The following NRG1 variants were observed in gnomAD, a reference collection of about 807,000 sequenced individuals.
NRG1 encodes the protein neuregulin 1.
NRG1 carries 18 observed loss-of-function variants against 63.8 expected under a neutral mutation model. The observed-to-expected ratio is 0.28, with a 90% confidence interval of 0.19 to 0.42. The LOEUF (loss-of-function observed/expected upper bound fraction) is 0.42. NRG1 is among the 10% of genes least tolerant of loss of function. The pLI, the probability that NRG1 is intolerant of heterozygous loss-of-function variation, is 1.00. For missense variants in NRG1, 762 were observed against 814.7 expected, an observed-to-expected ratio of 0.94 and a Z score of 0.79; for synonymous variants, 302 against 301.3, an observed-to-expected ratio of 1.00 and a Z score of -0.02.
Position 31,942,438 on chromosome 8 carries a change from A to G in NRG1, c.37+303007A>G, listed in dbSNP as rs144399753. Among the ~76,000 whole-genome samples the G allele has an allele frequency of 6.1e-3, 923 of 152,304 alleles. 12 individuals are homozygous for G. The highest frequency in any genetic ancestry group is 0.021 in the African/African-American group (878 of 41,556). On this transcript the variant is annotated intron_variant, in intron 1 of 10. Coordinates refer to the NRG1 transcript ENST00000519301. ...AGATGTGAAACCATAAAGATTTTAGAAGATAACATCAGAAAAACCCTTCTA... is the reference window on the plus strand; with the variant it reads ...AGATGTGAAACCATAAAGATTTTAGGAGATAACATCAGAAAAACCCTTCTA...
chr8:32,508,944 A>T (rs1828855018), intron 1 of NRG1, among the ~76,000 whole-genome samples: 1 of 151,702 alleles, frequency 6.6e-6, no homozygotes, highest in Non-Finnish European at 1.5e-5. Context: ...CATGTTGGCA[A>T]CGCTAGTCTC....
intron 1 of NRG1, among the ~76,000 whole-genome samples, chr8:32,453,606 A>C (rs895701173): frequency 5.3e-5 from 8 of 152,186 alleles, no homozygotes; most frequent in Non-Finnish European, 1.0e-4. Flanking sequence ...GTCTTTCAGG[A>C]GGTGGGTAGG....
intron 1 of NRG1, among the ~76,000 whole-genome samples, chr8:31,681,773 A>G (rs1027984212): frequency 1.3e-5 from 2 of 151,364 alleles, no homozygotes; most frequent in Non-Finnish European, 2.9e-5. Flanking sequence ...TATTCACAGA[A>G]TACTTGCTTG....
chr8:32,159,215 C>T (rs1475184386), intron 1 of NRG1, among the ~76,000 whole-genome samples: 2 of 152,192 alleles, frequency 1.3e-5, no homozygotes, highest in Non-Finnish European at 2.9e-5. Context: ...TTCTAAAGTA[C>T]ATTGATTGTT....
chr8:32,273,113 G>A (rs1023656616), intron 1 of NRG1, among the ~76,000 whole-genome samples: 7 of 152,180 alleles, frequency 4.6e-5, no homozygotes, highest in African/African-American at 1.4e-4. Flanking sequence ...ATTTGATTAA[G>A]CGTGTTATCA....
At chr8:32,711,345 A>G (rs1308572008) in intron 5 of NRG1, among the ~76,000 whole-genome samples, 2 of 151,786 alleles carry the variant, frequency 1.3e-5, no homozygotes, top group Non-Finnish European at 2.9e-5. Context: ...ATGTCAGTTT[A>G]TCTTGTCTTA....
chr8:32,114,017 C>G (rs1334449655), intron 1 of NRG1, among the ~76,000 whole-genome samples: 1 of 152,148 alleles, frequency 6.6e-6, no homozygotes, highest in Non-Finnish European at 1.5e-5. Context: ...AAAAGGCAGT[C>G]AGACAGCCCA....
intron 1 of NRG1, among the ~76,000 whole-genome samples, chr8:31,953,743 T>A (rs28700943): frequency 3.3e-4 from 50 of 152,330 alleles, no homozygotes; most frequent in African/African-American, 1.1e-3. Flanking sequence ...CATTTCAACA[T>A]ATATTGAGCA....
chr8:32,169,771 A>G (rs993615934), intron 1 of NRG1, among the ~76,000 whole-genome samples: 1 of 152,188 alleles, frequency 6.6e-6, no homozygotes, highest in African/African-American at 2.4e-5. Context: ...ACAAAAGCAA[A>G]CTAGAATGAT....
At chr8:32,754,574 G>GA in intron 8 of NRG1, 100 bp downstream of exon 8, 2 of 1,075,964 alleles carry the variant, frequency 1.9e-6, no homozygotes. Flanking sequence ...TAGTCTTGGG[G>GA]ATAAAAAAAA....
At chr8:32,616,934 A>G in intron 5 of NRG1, 49 bp downstream of exon 5, 2 of 1,342,526 alleles carry the variant, frequency 1.5e-6, no homozygotes, top group South Asian at 2.3e-5. Flanking sequence ...CCAAGGCACT[A>G]TCTGCTTTGG....
chr8:32,661,022 A>C (rs141165991), intron 5 of NRG1, among the ~76,000 whole-genome samples: 1 of 152,248 alleles, frequency 6.6e-6, no homozygotes, highest in African/African-American at 2.4e-5. Context: ...TGTGTGATTT[A>C]TGTGTTACCA....
In NRG1 at chr8:32,165,135, C is replaced by T. The variant is rs1050916184; in HGVS notation, c.38-430693C>T. Among the ~76,000 whole-genome samples the T allele has an allele frequency of 1.2e-4, 18 of 151,800 alleles. No individual in the cohort carries two copies. In the East Asian group the frequency reaches 3.1e-3, roughly 26 times the overall value. The stretch of plus-strand genomic sequence containing the variant: ...TGGGTATCACACATGTAAGATATTG[C>T]CCTTATTTTTTTTTTTTTTCAGAGA... On this transcript the variant is annotated intron_variant, in intron 1 of 10. Transcript: ENST00000519301.
At chr8:32,110,653 G>A (rs555197200) in intron 1 of NRG1, among the ~76,000 whole-genome samples, 21 of 152,222 alleles carry the variant, frequency 1.4e-4, no homozygotes, top group African/African-American at 4.1e-4. Context: ...GGTCTCCTTG[G>A]TTTATGTCAC....
At chr8:31,835,658 A>T (rs1825623514) in intron 1 of NRG1, among the ~76,000 whole-genome samples, 1 of 152,298 alleles carries the variant, frequency 6.6e-6, no homozygotes, top group African/African-American at 2.4e-5. Context: ...CTTTAATAGC[A>T]TATTTTTCCC....
chr8:32,189,549 G>A (rs1842284079), intron 1 of NRG1, among the ~76,000 whole-genome samples: 1 of 152,102 alleles, frequency 6.6e-6, no homozygotes, highest in South Asian at 2.1e-4. Context: ...CTGTAGAATG[G>A]ACATAATAAT....
chr8:31,995,804 T>C (rs911045789), intron 1 of NRG1, among the ~76,000 whole-genome samples: 3 of 151,994 alleles, frequency 2.0e-5, no homozygotes, highest in Non-Finnish European at 4.4e-5. Context: ...ATTATTGCAA[T>C]TGCGTAGTAG....
chr8:31,920,863 C>CATAG lies in NRG1; in HGVS notation c.37+281449_37+281452dup, dbSNP rs796780293. Reference sequence around the variant, plus strand: ...TAAACTTTTTTAAGATGGATAGATACATAGATAGATAGATAGATAGGTAGA... The same window carrying CATAG: ...TAAACTTTTTTAAGATGGATAGATACATAGATAGATAGATAGATAGATAGGTAGA... On this transcript the variant is annotated intron_variant, in intron 1 of 10. Transcript: ENST00000519301. 4.1e-3 allele frequency among the ~76,000 whole-genome samples: 582 copies of CATAG among 141,070 alleles called. 2 individuals carry two copies. Among genetic ancestry groups the CATAG allele is most frequent in the Non-Finnish European group, 6.6e-3 (428 of 64,806 alleles). The allele number at this position is 141,070 out of a possible 152,430, so 92.5% of individuals were successfully genotyped here. A position where few individuals can be genotyped will look rare whatever the true frequency, so the allele number is the denominator to read the frequency against.
chr8:31,932,746 G>T (rs757983834), intron 1 of NRG1, among the ~76,000 whole-genome samples: 3 of 152,302 alleles, frequency 2.0e-5, no homozygotes, highest in Non-Finnish European at 4.4e-5. Context: ...GATCATGCTA[G>T]GCTCTCATTG....
Sources: gnomAD v4.1 joint callset for allele counts (sites outside exome capture counted in the v4.1 genomes callset) on GRCh38, gnomAD v4.1.1 for gene constraint, MANE v1.5 for transcripts, NCBI Gene and HGNC (gene_info 2026-07-23, HGNC 2026-07-21) for gene names.